The following TANC2 variants were observed in gnomAD, a reference collection of about 807,000 sequenced individuals.
TANC2 encodes tetratricopeptide repeat, ankyrin repeat and coiled-coil containing 2.
TANC2 carries 26 observed loss-of-function variants against 210.5 expected under a neutral mutation model. The ratio of observed to expected loss-of-function variants is 0.12; its 90% CI spans 0.09 to 0.17. The LOEUF is 0.17. Among genes scored for constraint, TANC2 ranks in the 10% least tolerant of loss-of-function variants. The probability of loss-of-function intolerance (pLI) is 1.00; values close to 1 mark genes in which losing one functional copy is unlikely to be tolerated. For missense variants in TANC2, 2,129 were observed against 2,608.9 expected (o/e 0.82, Z 4.01); for synonymous variants, 931 against 967.1 (o/e 0.96, Z 0.69).
intron 1 of TANC2, among the ~76,000 whole-genome samples, chr17:62,976,512 T>A (rs1289804370): frequency 2.0e-5 from 3 of 151,860 alleles, no homozygotes; most frequent in Non-Finnish European, 2.9e-5. Context: ...CTATTTACAG[T>A]GTAAAATAAT....
intron 1 of TANC2, among the ~76,000 whole-genome samples, chr17:62,983,683 T>C (rs1052059842): frequency 5.3e-5 from 8 of 152,138 alleles, no homozygotes; most frequent in African/African-American, 1.9e-4. Flanking sequence ...TGAGGGGATG[T>C]TGAATTTTTA....
chr17:63,179,532 A>G (rs1006540502), intron 5 of TANC2, among the ~76,000 whole-genome samples: 1 of 152,218 alleles, frequency 6.6e-6, no homozygotes, highest in Non-Finnish European at 1.5e-5. Flanking sequence ...AGTCATCACT[A>G]CTACTACTAA....
intron 2 of TANC2, among the ~76,000 whole-genome samples, chr17:63,044,891 A>T (rs1348772484): frequency 6.6e-6 from 1 of 152,036 alleles, no homozygotes; most frequent in African/African-American, 2.4e-5. Flanking sequence ...ACCTCTTTAT[A>T]TCCTTTATGC....
intron 5 of TANC2, among the ~76,000 whole-genome samples, chr17:63,178,427 A>T (rs556098340): frequency 6.6e-6 from 1 of 152,310 alleles, no homozygotes; most frequent in East Asian, 1.9e-4. Context: ...TCTCACAGCT[A>T]GGAGCTCAGT....
chr17:63,395,979 C>A, intron 18 of TANC2, 51 bp downstream of exon 18: 2 of 1,490,988 alleles, frequency 1.3e-6, no homozygotes, highest in South Asian at 1.3e-5. Flanking sequence ...TTGAAGGACC[C>A]AGGAAACCAG....
chr17:63,015,762 G>A (rs895700434), intron 2 of TANC2, among the ~76,000 whole-genome samples: 3 of 151,202 alleles, frequency 2.0e-5, no homozygotes, highest in Non-Finnish European at 4.4e-5. Flanking sequence ...ACCGCTGTGT[G>A]GTTCTTTTAA....
chr17:63,193,943 C>T (rs752659420), intron 5 of TANC2, 48 bp from the exon 6 acceptor site: 3 of 1,557,646 alleles, frequency 1.9e-6, no homozygotes, highest in Non-Finnish European at 2.6e-6. Context: ...CAGAACTAGA[C>T]CATTTTATTT....
Position 63,418,293 on chromosome 17 carries a change from T to C in TANC2, c.4168-14T>C, listed in dbSNP as rs2048926280. 8 of 1,610,110 alleles carry C rather than the reference T, an allele frequency of 5.0e-6. No individual in the cohort carries two copies. Among genetic ancestry groups the C allele is most frequent in the Non-Finnish European group, 5.9e-6 (7 of 1,177,638 alleles). On this transcript the variant is annotated splice_polypyrimidine_tract_variant and intron_variant, in intron 26 of 27. Coordinates refer to ENST00000689528, the Ensembl canonical transcript of TANC2. The surrounding 1 kb of genome is among the most constrained non-coding windows in gnomAD (Gnocchi z 4.6). Reference sequence around the variant, plus strand: ...CTCATCAATGACTCATTTGCACACCTATTGTAATGACAGGATTTTGGAATG... The same window carrying C: ...CTCATCAATGACTCATTTGCACACCCATTGTAATGACAGGATTTTGGAATG...
At chr17:63,391,131 A>G (rs1306766975) in intron 17 of TANC2, 1 of 152,174 alleles carries the variant, frequency 6.6e-6, no homozygotes, top group African/African-American at 2.4e-5. Flanking sequence ...CTAAATTCAC[A>G]CTACCTTTTT....
chr17:62,980,977 T>A (rs1160188974), intron 1 of TANC2, among the ~76,000 whole-genome samples: 2 of 152,226 alleles, frequency 1.3e-5, no homozygotes, highest in Non-Finnish European at 2.9e-5. Flanking sequence ...TTGTTCTTGC[T>A]TGGCCAAACC....
chr17:63,176,850 G>A lies in TANC2; in HGVS notation c.434-17141G>A, dbSNP rs1213837667. 4.0e-5 allele frequency among the ~76,000 whole-genome samples: 6 copies of A among 151,520 alleles called. No homozygotes were observed. In the East Asian group the frequency reaches 1.2e-3, roughly 29 times the overall value. On this transcript the variant is annotated intron_variant, in intron 5 of 27. Transcript: ENST00000689528. ...ACAGGAAAAAGATCAGTGGTTGCCT[G>A]GGACTAGAGTTGAGAGTGAGTTTGC...
intron 4 of TANC2, among the ~76,000 whole-genome samples, chr17:63,132,469 G>T (rs1341958107): frequency 6.6e-6 from 1 of 152,094 alleles, no homozygotes; most frequent in African/African-American, 2.4e-5. Context: ...TTTAAGGAAA[G>T]CCAGAATAAA....
chr17:63,103,251 A>T (rs527370114), intron 4 of TANC2, among the ~76,000 whole-genome samples: 2 of 152,170 alleles, frequency 1.3e-5, no homozygotes, highest in African/African-American at 2.4e-5. Context: ...TACTCTTAAC[A>T]TATTTATCTT....
chr17:63,345,705 T>G (rs1021225993), intron 12 of TANC2, among the ~76,000 whole-genome samples: 40 of 146,926 alleles, frequency 2.7e-4, no homozygotes, highest in African/African-American at 9.1e-4. Flanking sequence ...GTACCAAAAA[T>G]AGCCAAAACA....
chr17:62,966,924 G>C lies in TANC2; in HGVS notation c.-24+175G>C, dbSNP rs1342788922. Reference sequence around the variant, plus strand: ...AGGCTGGCTCCGAATATGACACCAAGGCGGGCTTCAGAGGCGTGTGGGGTC... The same window carrying C: ...AGGCTGGCTCCGAATATGACACCAACGCGGGCTTCAGAGGCGTGTGGGGTC... On this transcript the variant is annotated intron_variant, in intron 1 of 27. Transcript: ENST00000689528. The surrounding 1 kb of genome is among the most constrained non-coding windows in gnomAD (Gnocchi z 5.1). 6.6e-6 allele frequency: 1 copy of C among 152,284 alleles called. No homozygotes were observed. The highest frequency in any genetic ancestry group is 1.9e-4 in the East Asian group (1 of 5,186). 9.4% of individuals were successfully genotyped at this position (152,284 alleles called of 1,614,324 possible).
chr17:63,205,372 A>AAAAAAAACAAAAAAAAAAAAAAAAC (rs1472135033), intron 7 of TANC2, among the ~76,000 whole-genome samples: 1 of 131,810 alleles, frequency 7.6e-6, no homozygotes, highest in Non-Finnish European at 1.6e-5. Flanking sequence ...AAAAAAAAAA[A>AAAAAAAACAAAAAAAAAAAAAAAAC]CCTCATACAC....
intron 5 of TANC2, among the ~76,000 whole-genome samples, chr17:63,185,961 C>T (rs929732407): frequency 5.3e-5 from 8 of 152,022 alleles, no homozygotes; most frequent in African/African-American, 1.9e-4. Flanking sequence ...TGGTTGTTGC[C>T]TTTTGGGCCT....
At chr17:63,080,186 G>A (rs1476046017) in intron 3 of TANC2, among the ~76,000 whole-genome samples, 4 of 152,098 alleles carry the variant, frequency 2.6e-5, no homozygotes, top group Non-Finnish European at 5.9e-5. Context: ...GTTTGATGAA[G>A]GAAACTACAA....
At chr17:63,379,670 A>G in intron 14 of TANC2, 48 bp from the exon 15 acceptor site, 1 of 1,431,594 alleles carries the variant, frequency 7.0e-7, no homozygotes, top group Non-Finnish European at 9.5e-7. Flanking sequence ...CTCCATCTCA[A>G]TAAATAAATA....
Sources: gnomAD v4.1 joint callset for allele counts (sites outside exome capture counted in the v4.1 genomes callset) on GRCh38, gnomAD v4.1.1 for gene constraint, Gnocchi (gnomAD v3.1) non-coding constraint, MANE v1.5 for transcripts, NCBI Gene and HGNC (gene_info 2026-07-23, HGNC 2026-07-21) for gene names.